Variants in TDRD9 observed in about 807,000 individuals in gnomAD.
The protein encoded by TDRD9 is ATP-dependent RNA helicase TDRD9.
Under a neutral mutation model 172.6 loss-of-function variants are expected in TDRD9, and 124 were observed. That is an observed-to-expected ratio of 0.72 (90% confidence interval 0.62 to 0.83). TDRD9 has a LOEUF of 0.83. TDRD9 is among the 40% of genes least tolerant of loss of function. TDRD9 has a pLI of 0.00. For synonymous variants in TDRD9, 619 were observed against 617.1 expected, an observed-to-expected ratio of 1.00 and a Z score of -0.05; for missense variants, 1,479 against 1,714.1, an observed-to-expected ratio of 0.86 and a Z score of 2.42.
chr14:103,992,076 CTG>C (rs772788334), intron 9 of TDRD9, among the ~76,000 whole-genome samples: 5 of 152,182 alleles, frequency 3.3e-5, no homozygotes, highest in Non-Finnish European at 5.9e-5. Context: ...GTAAAACACA[CTG>C]TTATTATAAC....
Position 103,995,749 on chromosome 14 carries a change from G to C in TDRD9, c.1321-1G>C, listed in dbSNP as rs774321154. On this transcript the variant is annotated splice_acceptor_variant, in intron 11 of 35. Transcript: ENST00000409874. LOFTEE classifies it high-confidence loss of function. ...CAGCTTTTTTCTTTGATGTTTAACAGATTATTCTGTCCACCAATATTGCAG... is the reference window on the plus strand; with the variant it reads ...CAGCTTTTTTCTTTGATGTTTAACACATTATTCTGTCCACCAATATTGCAG... 2 of 1,602,756 alleles carry C rather than the reference G, an allele frequency of 1.2e-6. No homozygotes were observed. Among genetic ancestry groups the C allele is most frequent in the African/African-American group, 2.7e-5 (2 of 74,486 alleles).
chr14:104,041,559 G>A (rs1958478139), intron 33 of TDRD9, among the ~76,000 whole-genome samples: 1 of 152,104 alleles, frequency 6.6e-6, no homozygotes, highest in African/African-American at 2.4e-5. Flanking sequence ...ATTAAAATAC[G>A]GATGACAGTA....
intron 13 of TDRD9, among the ~76,000 whole-genome samples, chr14:104,002,695 G>A (rs1313783446): frequency 1.3e-5 from 2 of 151,682 alleles, no homozygotes; most frequent in South Asian, 2.1e-4. Context: ...AAATATGTAA[G>A]GAGGCATCTT....
rs1566784118 is a variant in TDRD9 at position 104,014,725 on chromosome 14, G to A, written c.2107G>A (p.Val703Met). ...TCAGATTTCAATGTATTTTTCTTAG[G>A]TGGCTGAATTATATGAAGAATTGAA... ...NYIQIKRIREVAELYEELKTR... is the reference protein window; with the variant it reads ...NYIQIKRIREMAELYEELKTR... The change falls in exon 21 of 36, where the codon GTG becomes ATG. Residue 703 changes from valine to methionine, a missense_variant and splice_region_variant. Physicochemically the swap from Val to Met is conservative, Grantham distance 21. This residue lies in a region of TDRD9 where 1,413 missense variants were observed against 1,649.1 expected (regional missense o/e 0.86). Coordinates refer to ENST00000409874, the MANE Select transcript of TDRD9 (RefSeq NM_153046.3). 1 of 1,576,246 alleles carries A rather than the reference G, an allele frequency of 6.3e-7. No homozygotes were observed. The highest frequency in any genetic ancestry group is 8.7e-7 in the Non-Finnish European group (1 of 1,147,912).
chr14:104,028,902 G>A (rs1222521240), intron 28 of TDRD9, among the ~76,000 whole-genome samples: 1 of 152,096 alleles, frequency 6.6e-6, no homozygotes, highest in Admixed American at 6.5e-5. Context: ...GCATTTAGAT[G>A]TCCAGTTTTC....
At chr14:103,964,075 C>G (rs2032629034) in intron 3 of TDRD9, among the ~76,000 whole-genome samples, 1 of 152,080 alleles carries the variant, frequency 6.6e-6, no homozygotes, top group South Asian at 2.1e-4. Context: ...GACCTCATCT[C>G]TACAAAACAC....
Position 104,024,595 on chromosome 14 carries a change from C to T in TDRD9, c.2633C>T (p.Thr878Met), listed in dbSNP as rs139118201. 1.5e-4 allele frequency: 246 copies of T among 1,610,464 alleles called. 1 individual carries two copies. In the East Asian group the frequency reaches 4.9e-3, roughly 32 times the overall value. ...TRVNVDFQKQTVDPMQVSFNT... is the reference protein window; with the variant it reads ...TRVNVDFQKQMVDPMQVSFNT... ...GTGAATGTGGACTTCCAGAAGCAGACGGTAGATCCTATGCAAGTCTCCTTT... is the reference window on the plus strand; with the variant it reads ...GTGAATGTGGACTTCCAGAAGCAGATGGTAGATCCTATGCAAGTCTCCTTT... Residue 878 changes from threonine (T) to methionine (M), a missense_variant, in exon 25 of 36, where the codon ACG (threonine) becomes ATG (methionine). By Grantham distance (81) the Thr-to-Met change is moderately conservative. Coordinates refer to ENST00000409874, the MANE Select transcript of TDRD9 (RefSeq NM_153046.3).
chr14:103,983,344 T>G (rs1285816790), intron 7 of TDRD9, among the ~76,000 whole-genome samples: 1 of 152,098 alleles, frequency 6.6e-6, no homozygotes, highest in African/African-American at 2.4e-5. Context: ...ATTACAGGCA[T>G]GAGCCACCGT....
intron 24 of TDRD9, among the ~76,000 whole-genome samples, chr14:104,022,849 C>G (rs1162946963): frequency 6.6e-6 from 1 of 152,090 alleles, no homozygotes; most frequent in Admixed American, 6.6e-5. Flanking sequence ...GGCACATTAC[C>G]TAACCTCTCT....
chr14:103,993,152 G>A (rs1208793910), intron 9 of TDRD9, among the ~76,000 whole-genome samples: 2 of 147,606 alleles, frequency 1.4e-5, no homozygotes, highest in African/African-American at 5.0e-5. Context: ...TTTTTTTTTG[G>A]TATCTTTTTG....
rs1009638764 is a variant in TDRD9 at position 104,018,232 on chromosome 14, G to A, written c.2432+40G>A. On this transcript the variant is annotated intron_variant, in intron 23 of 35. Coordinates refer to ENST00000409874, the MANE Select transcript of TDRD9 (RefSeq NM_153046.3). ...GTAATCAACTGCAATTATGAAGGAG[G>A]CATAATGATTCAAATGTTTCCAGAC... The A allele has an allele frequency of 6.5e-6, 8 of 1,227,904 alleles. No homozygotes were observed. The African/African-American group carries it at 8.9e-5, about 14-fold the overall frequency. 76.1% of individuals were successfully genotyped at this position (1,227,904 alleles called of 1,614,324 possible).
intron 31 of TDRD9, 64 bp downstream of exon 31, chr14:104,034,133 A>G: frequency 1.1e-6 from 1 of 929,330 alleles, no homozygotes. Context: ...TTCAGCTACT[A>G]GGAACAACTT....
intron 13 of TDRD9, among the ~76,000 whole-genome samples, chr14:103,999,660 G>C: frequency 8.8e-6 from 1 of 114,014 alleles, no homozygotes; most frequent in Non-Finnish European, 1.9e-5. Flanking sequence ...TTTGGGAAGG[G>C]TAGATAAAAG....
chr14:104,007,925 C>T (rs1477194266), intron 19 of TDRD9, among the ~76,000 whole-genome samples: 1 of 151,958 alleles, frequency 6.6e-6, no homozygotes, highest in African/African-American at 2.4e-5. Context: ...CCACAGGTGC[C>T]CGCCACCACA....
chr14:103,932,883 T>C (rs1188471603), intron 1 of TDRD9, among the ~76,000 whole-genome samples: 1 of 152,034 alleles, frequency 6.6e-6, no homozygotes, highest in Non-Finnish European at 1.5e-5. Context: ...ATCAGCTTAA[T>C]GAGTAGTGAC....
chr14:104,034,831 G>A lies in TDRD9; in HGVS notation c.3620-129G>A, dbSNP rs1038349794. ...GGAGTGTGCGTTACTATTGGGGTGG[G>A]CCTGTGGGGACTGGACAGACTCAGC... On this transcript the variant is annotated intron_variant, in intron 31 of 35. Coordinates refer to ENST00000409874, the MANE Select transcript of TDRD9 (RefSeq NM_153046.3). 49 of 643,510 alleles carry A rather than the reference G, an allele frequency of 7.6e-5. No homozygotes were observed. In the African/African-American group the frequency reaches 8.1e-4, roughly 11 times the overall value. The allele number at this position is 643,510 out of a possible 1,614,324, so 39.9% of individuals were successfully genotyped here. A position where few individuals can be genotyped will look rare whatever the true frequency, so the allele number is the denominator to read the frequency against.
chr14:104,006,996 C>A lies in TDRD9; in HGVS notation c.2007+151C>A, dbSNP rs8005850. Among the ~76,000 whole-genome samples the A allele has an allele frequency of 9.9e-3, 1,501 of 152,034 alleles. 31 individuals carry two copies. Among genetic ancestry groups the A allele is most frequent in the African/African-American group, 0.034 (1,412 of 41,414 alleles). On this transcript the variant is annotated intron_variant, in intron 18 of 35. Transcript: ENST00000409874. ...GGTGTCCAGTGTTAAATTAACCGTG[C>A]TGGAAGAAGTGAGTGAGGTGGAAGT...
intron 28 of TDRD9, among the ~76,000 whole-genome samples, chr14:104,030,355 G>A (rs1279660354): frequency 6.6e-6 from 1 of 152,146 alleles, no homozygotes; most frequent in Non-Finnish European, 1.5e-5. Context: ...AGCTGGGCAT[G>A]GTGGTGGGCA....
chr14:103,992,841 C>T (rs1417842572), intron 9 of TDRD9, among the ~76,000 whole-genome samples: 1 of 139,594 alleles, frequency 7.2e-6, no homozygotes, highest in Non-Finnish European at 1.5e-5. Flanking sequence ...AGGAGAATGG[C>T]ATGAACCTGG....
Sources: allele counts gnomAD v4.1 joint callset (sites outside exome capture counted in the v4.1 genomes callset), GRCh38; gene constraint gnomAD v4.1.1; regional missense constraint gnomAD v4.1.1; transcripts MANE v1.5; gene names NCBI Gene and HGNC (gene_info 2026-07-23, HGNC 2026-07-21).